Variants in SV2C observed in about 807,000 individuals in gnomAD.
SV2C encodes synaptic vesicle glycoprotein 2C, also known as solute carrier family 22 member B3.
Under a neutral mutation model 79.7 loss-of-function variants are expected in SV2C, and 49 were observed. The ratio of observed to expected loss-of-function variants is 0.61; its 90% CI spans 0.49 to 0.78. The LOEUF (loss-of-function observed/expected upper bound fraction) is 0.78, where lower values mean the gene tolerates loss of function less well. Among genes scored for constraint, SV2C ranks in the 30% least tolerant of loss-of-function variants. The pLI, the probability that SV2C is intolerant of heterozygous loss-of-function variation, is 0.00. For synonymous variants in SV2C, 334 were observed against 333.2 expected (o/e 1.00, Z -0.03); for missense variants, 833 against 912.9 (o/e 0.91, Z 1.13).
At chr5:76,034,325 C>A in the SV2C span, among the ~76,000 whole-genome samples, 12 of 152,130 alleles carry the variant, frequency 7.9e-5, no homozygotes, top group African/African-American at 2.9e-4. Flanking sequence ...CTGTCTTGTG[C>A]CAGTTTTCAA....
downstream of SV2C, among the ~76,000 whole-genome samples, chr5:76,334,173 G>C (rs1250499574): frequency 6.6e-6 from 1 of 152,162 alleles, no homozygotes; most frequent in Non-Finnish European, 1.5e-5. Flanking sequence ...ATATGTTCGT[G>C]GGGGAGTTTG....
At chr5:75,910,813 T>G in the SV2C span, 1 of 1,326,740 alleles carries the variant, frequency 7.5e-7, no homozygotes, top group Non-Finnish European at 1.1e-6. Context: ...TCCAAAACAT[T>G]TCCAATTTGA....
the SV2C span, among the ~76,000 whole-genome samples, chr5:76,014,688 C>A: frequency 0.56 from 85,475 of 151,772 alleles, 24,424 homozygotes; most frequent in Middle Eastern, 0.66. Context: ...ACACACACAC[C>A]CCCTAACATA....
At chr5:76,209,548 A>AT (rs1275796482) in intron 3 of SV2C, among the ~76,000 whole-genome samples, 188 bp from the exon 4 acceptor site, 2 of 152,230 alleles carry the variant, frequency 1.3e-5, no homozygotes, top group African/African-American at 4.8e-5. Context: ...TTTTGGAGGC[A>AT]TAATAAACCT....
At chr5:76,324,976 C>T (rs1748942971) in intron 12 of SV2C, among the ~76,000 whole-genome samples, 1 of 152,146 alleles carries the variant, frequency 6.6e-6, no homozygotes, top group Non-Finnish European at 1.5e-5. Context: ...TGAACTATTA[C>T]TATGCCACTG....
At chr5:75,894,024 A>G in the SV2C span, among the ~76,000 whole-genome samples, 4,041 of 152,150 alleles carry the variant, frequency 0.027, 182 homozygotes, top group African/African-American at 0.092. Context: ...ACAGTAAAAT[A>G]TCTCAATTTT....
chr5:76,277,372 C>T (rs986818590), intron 4 of SV2C, among the ~76,000 whole-genome samples: 2 of 152,160 alleles, frequency 1.3e-5, no homozygotes, highest in Non-Finnish European at 2.9e-5. Context: ...AGTGGATAAA[C>T]TAAATGTGAT....
chr5:75,851,079 A>G, the SV2C span, among the ~76,000 whole-genome samples: 1 of 152,194 alleles, frequency 6.6e-6, no homozygotes. Context: ...GTCAGAATTT[A>G]ATCGTTAAAT....
chr5:75,960,653 C>T, the SV2C span, among the ~76,000 whole-genome samples: 2 of 151,916 alleles, frequency 1.3e-5, no homozygotes, highest in African/African-American at 4.8e-5. Flanking sequence ...GCTATAGCGT[C>T]TAGGTTTGTG....
At chr5:76,176,355 AGCCATATT>A (rs1743529276) in intron 2 of SV2C, among the ~76,000 whole-genome samples, 1 of 152,228 alleles carries the variant, frequency 6.6e-6, no homozygotes, top group African/African-American at 2.4e-5. Flanking sequence ...TTTATTAATC[AGCCATATT>A]GTAGGTGACA....
intron 2 of SV2C, among the ~76,000 whole-genome samples, chr5:76,189,222 C>CT (rs970931046): frequency 6.6e-6 from 1 of 151,852 alleles, no homozygotes; most frequent in African/African-American, 2.4e-5. Context: ...AAAAATGACT[C>CT]TTTGAGGAAA....
At chr5:76,054,212 C>T in the SV2C span, among the ~76,000 whole-genome samples, 10 of 152,110 alleles carry the variant, frequency 6.6e-5, no homozygotes, top group African/African-American at 1.7e-4. Context: ...TCCCATTGTT[C>T]CACACCCACT....
At chr5:75,996,599 A>G in the SV2C span, among the ~76,000 whole-genome samples, 4 of 152,050 alleles carry the variant, frequency 2.6e-5, no homozygotes, top group South Asian at 8.3e-4. Flanking sequence ...CACGATATTG[A>G]TTCTTCCTAC....
At chr5:75,994,029 A>G in the SV2C span, among the ~76,000 whole-genome samples, 3 of 152,096 alleles carry the variant, frequency 2.0e-5, no homozygotes, top group African/African-American at 4.8e-5. Context: ...TAAAATCCCA[A>G]TGATAGTCTA....
intron 2 of SV2C, among the ~76,000 whole-genome samples, chr5:76,138,027 T>C (rs1045489401): frequency 6.6e-6 from 1 of 152,210 alleles, no homozygotes; most frequent in Non-Finnish European, 1.5e-5. Flanking sequence ...GATGAAGTGG[T>C]GTTATGAAGT....
intron 2 of SV2C, among the ~76,000 whole-genome samples, chr5:76,143,419 C>T (rs1197288384): frequency 2.0e-5 from 3 of 152,144 alleles, no homozygotes; most frequent in Non-Finnish European, 2.9e-5. Flanking sequence ...ATTTCTCAAC[C>T]GGAGCCCTAG....
chr5:76,052,190 A>T, the SV2C span, among the ~76,000 whole-genome samples: 1 of 152,172 alleles, frequency 6.6e-6, no homozygotes, highest in Non-Finnish European at 1.5e-5. Context: ...CTTCCAATCA[A>T]TTCTGAGAAA....
chr5:75,848,513 A>T, the SV2C span, among the ~76,000 whole-genome samples: 1 of 152,240 alleles, frequency 6.6e-6, no homozygotes, highest in African/African-American at 2.4e-5. Flanking sequence ...AACAAGTCAG[A>T]ATTGGTTGCG....
At chr5:76,121,412 C>T (rs1284231285) in intron 1 of SV2C, among the ~76,000 whole-genome samples, 1 of 151,102 alleles carries the variant, frequency 6.6e-6, no homozygotes, top group East Asian at 1.9e-4. Context: ...GTTGCCATTG[C>T]TTTTGGTGTT....
Sources: gnomAD v4.1 joint callset for allele counts (sites outside exome capture counted in the v4.1 genomes callset) on GRCh38, gnomAD v4.1.1 for gene constraint, MANE v1.5 for transcripts, NCBI Gene and HGNC (gene_info 2026-07-23, HGNC 2026-07-21) for gene names.